The following TMEM209 variants were observed in gnomAD, a reference collection of about 807,000 sequenced individuals.
TMEM209 encodes the protein testicular tissue protein Li 202.
TMEM209 carries 65 observed loss-of-function variants against 76.2 expected under a neutral mutation model. The observed-to-expected ratio is 0.85, with a 90% CI of 0.70 to 1.05. The LOEUF is 1.05. Ranked by LOEUF, TMEM209 falls within the 50% of genes least tolerant of loss-of-function variation. TMEM209 has a pLI of 0.00. For synonymous variants in TMEM209, 239 were observed against 237.6 expected (o/e 1.01, Z -0.06); for missense variants, 623 against 685.5 (o/e 0.91, Z 1.02).
chr7:130,191,568 A>G (rs1175886957), intron 6 of TMEM209, among the ~76,000 whole-genome samples: 1 of 152,148 alleles, frequency 6.6e-6, no homozygotes, highest in Non-Finnish European at 1.5e-5. Flanking sequence ...TCAAACAAAC[A>G]AACACAAAAT....
chr7:130,191,129 G>T (rs1221568623), intron 6 of TMEM209, among the ~76,000 whole-genome samples: 1 of 152,042 alleles, frequency 6.6e-6, no homozygotes, highest in Non-Finnish European at 1.5e-5. Context: ...AAAGTATAGG[G>T]ATAGAGATAG....
chr7:130,181,083 A>T (rs1418929608), intron 9 of TMEM209, among the ~76,000 whole-genome samples: 2 of 152,272 alleles, frequency 1.3e-5, no homozygotes, highest in African/African-American at 4.8e-5. Context: ...CTGATGAATG[A>T]ATAAGCAAAG....
At chr7:130,174,017 T>C (rs1797160046) in intron 11 of TMEM209, 78 bp from the exon 12 acceptor site, 3 of 958,568 alleles carry the variant, frequency 3.1e-6, no homozygotes, top group Non-Finnish European at 3.2e-6. Context: ...GAAACATCTG[T>C]ATTTATAACG....
chr7:130,188,393 G>A lies in TMEM209; in HGVS notation c.776-3026C>T, dbSNP rs531653383. Among the ~76,000 whole-genome samples the A allele has an allele frequency of 2.3e-4, 35 of 152,050 alleles. No homozygotes were observed. The South Asian group carries it at 4.6e-3, about 20-fold the overall frequency. On this transcript the variant is annotated intron_variant, in intron 6 of 14. Transcript: ENST00000397622. ...GGGCGGATCACAAGGTCAGGAGATCGAGACCATCCTGGCTAACATGGTGAA... is the reference window on the plus strand; with the variant it reads ...GGGCGGATCACAAGGTCAGGAGATCAAGACCATCCTGGCTAACATGGTGAA...
At position 130,192,730 on chromosome 7, in the gene TMEM209, G is replaced by A. The variant is rs996245358; in HGVS notation, c.667C>T (p.Pro223Ser). ...SGLRSRYRSS[P>S]TVYNSPTDKE... ...TCAGTAGGTGAGTTGTAGACGGTAG[G>A]TGAAGAACGGTAGCGAGATCTCAAT... Residue 223 changes from proline (P) to serine (S), a missense_variant, in exon 6 of 15, where the codon CCT becomes TCT. Pro to Ser is a moderately conservative substitution (Grantham distance 74). Coordinates refer to ENST00000397622, the MANE Select transcript of TMEM209 (RefSeq NM_032842.4). The A allele has an allele frequency of 1.2e-6, 2 of 1,613,894 alleles. No individual in the cohort carries two copies. Among genetic ancestry groups the A allele is most frequent in the African/African-American group, 1.3e-5 (1 of 75,044 alleles).
At chr7:130,201,443 T>C (rs2117036184) in intron 5 of TMEM209, among the ~76,000 whole-genome samples, 1 of 151,622 alleles carries the variant, frequency 6.6e-6, no homozygotes, top group African/African-American at 2.4e-5. Context: ...AAAAAGAAAC[T>C]ATGTGACAAT....
intron 7 of TMEM209, among the ~76,000 whole-genome samples, chr7:130,184,494 C>CTT (rs67295320): frequency 1.9e-4 from 23 of 118,126 alleles, no homozygotes; most frequent in Non-Finnish European, 8.7e-5. Context: ...ATTTTTCTTG[C>CTT]TTTTTTTTTT....
At chr7:130,181,551 T>C (rs1797413441) in intron 9 of TMEM209, 72 bp downstream of exon 9, 3 of 1,294,358 alleles carry the variant, frequency 2.3e-6, no homozygotes, top group Admixed American at 4.0e-5. Context: ...AGTTAAGCCG[T>C]CCATTACAAG....
chr7:130,174,429 T>TC (rs1797171203), intron 11 of TMEM209, among the ~76,000 whole-genome samples: 1 of 152,128 alleles, frequency 6.6e-6, no homozygotes, highest in Non-Finnish European at 1.5e-5. Context: ...AACACCAGAC[T>TC]CCCATTCCCT....
intron 6 of TMEM209, among the ~76,000 whole-genome samples, chr7:130,186,800 CACA>C (rs1235990538): frequency 1.3e-5 from 2 of 152,098 alleles, no homozygotes; most frequent in African/African-American, 2.4e-5. Flanking sequence ...CCACCACCAC[CACA>C]ACAACAGCAC....
intron 8 of TMEM209, among the ~76,000 whole-genome samples, chr7:130,182,408 A>C (rs1797452763): frequency 6.6e-6 from 1 of 152,198 alleles, no homozygotes; most frequent in South Asian, 2.1e-4. Flanking sequence ...CACATTTATT[A>C]ATGTAGTGTT....
At chr7:130,180,599 C>T (rs111506975) in intron 9 of TMEM209, among the ~76,000 whole-genome samples, 11,336 of 152,114 alleles carry the variant, frequency 0.075, 637 homozygotes, top group Middle Eastern at 0.13. Flanking sequence ...GAACTCCTGA[C>T]CTCAGGTGAT....
chr7:130,166,908 T>TA, intron 14 of TMEM209, among the ~76,000 whole-genome samples: 1 of 152,226 alleles, frequency 6.6e-6, no homozygotes. Context: ...CTACTGGGGA[T>TA]ACTTTAGTGA....
At chr7:130,167,048 A>G (rs527341672) in intron 14 of TMEM209, among the ~76,000 whole-genome samples, 40 of 152,280 alleles carry the variant, frequency 2.6e-4, no homozygotes, top group Non-Finnish European at 5.0e-4. Context: ...GGGCTATAAG[A>G]GAAAGAAATT....
Position 130,164,845 on chromosome 7 carries a change from A to G in TMEM209, c.*1606T>C, listed in dbSNP as rs555713559. 6.6e-6 allele frequency: 1 copy of G among 152,296 alleles called. No homozygotes were observed. The highest frequency in any genetic ancestry group is 1.9e-4 in the East Asian group (1 of 5,194). 9.4% of individuals were successfully genotyped at this position (152,296 alleles called of 1,614,324 possible). On this transcript the variant is annotated 3_prime_UTR_variant, in exon 15 of 15. Coordinates refer to ENST00000397622, the MANE Select transcript of TMEM209 (RefSeq NM_032842.4). ...CAAATTTAAATTTTAACATGTTCTTATATTTAACATGTTTGATATTTTCTT... is the reference window on the plus strand; with the variant it reads ...CAAATTTAAATTTTAACATGTTCTTGTATTTAACATGTTTGATATTTTCTT...
intron 6 of TMEM209, among the ~76,000 whole-genome samples, chr7:130,190,574 T>TAAA (rs5887464): frequency 3.8e-5 from 5 of 131,822 alleles, no homozygotes; most frequent in African/African-American, 1.4e-4. Context: ...TGTATTACAG[T>TAAA]AAAAAAAAAA....
intron 8 of TMEM209, among the ~76,000 whole-genome samples, chr7:130,182,436 A>G (rs865955157): frequency 3.3e-5 from 5 of 152,206 alleles, no homozygotes; most frequent in African/African-American, 1.2e-4. Context: ...GTTTGCAATC[A>G]GTAAGATAGT....
Position 130,166,489 on chromosome 7 carries a change from G to T in TMEM209, c.1648C>A (p.Leu550Ile), listed in dbSNP as rs1281081626. 2 of 1,540,442 alleles carry T rather than the reference G, an allele frequency of 1.3e-6. No homozygotes were observed. Among genetic ancestry groups the T allele is most frequent in the East Asian group, 2.5e-5 (1 of 40,494 alleles). ...SGMLGRVNLG[L>I]SGVNILWIFG... ...ATCCACAATATATTCACACCAGATA[G>T]ACCAAGATTAACTCTCCTATAAAGA... The change falls in exon 15 of 15, where the codon CTA becomes ATA. Residue 550 changes from leucine (L) to isoleucine (I), a missense_variant. Leu to Ile is a conservative substitution (Grantham distance 5). Coordinates refer to ENST00000397622, the MANE Select transcript of TMEM209 (RefSeq NM_032842.4).
At chr7:130,191,851 T>C (rs911642182) in intron 6 of TMEM209, among the ~76,000 whole-genome samples, 2 of 152,210 alleles carry the variant, frequency 1.3e-5, no homozygotes, top group African/African-American at 4.8e-5. Flanking sequence ...TTCAAATTTT[T>C]TTCAAAAAGC....
Sources: gnomAD v4.1 joint callset for allele counts (sites outside exome capture counted in the v4.1 genomes callset) on GRCh38, gnomAD v4.1.1 for gene constraint, MANE v1.5 for transcripts, NCBI Gene and HGNC (gene_info 2026-07-23, HGNC 2026-07-21) for gene names.